AP3B1: variants seen among roughly 807,000 people sequenced by gnomAD.
AP3B1 encodes AP-3 complex subunit beta-1.
A neutral mutation model predicts 132.5 loss-of-function variants in AP3B1; 61 were observed. That is an observed-to-expected ratio of 0.46 (90% confidence interval 0.37 to 0.57). AP3B1 has a LOEUF of 0.57. Among genes scored for constraint, AP3B1 ranks in the 20% least tolerant of loss-of-function variants. AP3B1 has a pLI of 0.00. For synonymous variants in AP3B1, 388 were observed against 438.3 expected (o/e 0.89, Z 1.43); for missense variants, 1,120 against 1,289.4 (o/e 0.87, Z 2.01).
At chr5:78,022,703 A>G (rs568403233) in intron 24 of AP3B1, among the ~76,000 whole-genome samples, 1 of 152,318 alleles carries the variant, frequency 6.6e-6, no homozygotes, top group Admixed American at 6.5e-5. Context: ...GGTCCCATTT[A>G]TGTTTTAGAA....
chr5:78,005,623 C>A (rs1010394847), intron 26 of AP3B1, among the ~76,000 whole-genome samples: 3 of 152,184 alleles, frequency 2.0e-5, no homozygotes, highest in African/African-American at 7.2e-5. Context: ...AAGCTACTGC[C>A]TTTATTAACT....
chr5:78,023,260 A>G (rs371726433), intron 24 of AP3B1, among the ~76,000 whole-genome samples: 1 of 152,190 alleles, frequency 6.6e-6, no homozygotes, highest in Non-Finnish European at 1.5e-5. Flanking sequence ...TCAGCAGATA[A>G]TTGGAAATAC....
chr5:78,088,890 C>T (rs1750380926), intron 22 of AP3B1: 1 of 155,426 alleles, frequency 6.4e-6, no homozygotes. Flanking sequence ...CTTCACATCA[C>T]ATTCTATAAA....
intron 15 of AP3B1, among the ~76,000 whole-genome samples, chr5:78,136,824 T>A (rs1313620490): frequency 6.6e-6 from 1 of 152,214 alleles, no homozygotes; most frequent in Non-Finnish European, 1.5e-5. Context: ...TTTTATTGTG[T>A]GATTTTGTAT....
chr5:78,251,571 T>A (rs1182685393), intron 2 of AP3B1, among the ~76,000 whole-genome samples: 1 of 152,164 alleles, frequency 6.6e-6, no homozygotes, highest in East Asian at 1.9e-4. Flanking sequence ...CTGAACTCTG[T>A]GCTGTCCTGT....
At chr5:78,024,520 G>A (rs150788995) in intron 24 of AP3B1, among the ~76,000 whole-genome samples, 1,984 of 150,878 alleles carry the variant, frequency 0.013, 56 homozygotes, top group African/African-American at 0.046. Context: ...CTCCCAAATA[G>A]CTGGGACTAC....
chr5:78,095,405 G>C (rs184367033), intron 21 of AP3B1, among the ~76,000 whole-genome samples: 44 of 152,294 alleles, frequency 2.9e-4, no homozygotes, highest in African/African-American at 9.9e-4. Flanking sequence ...AAAGCCACTG[G>C]AGAGTAACAT....
chr5:78,195,250 A>T (rs1745035212), intron 7 of AP3B1, among the ~76,000 whole-genome samples: 1 of 152,206 alleles, frequency 6.6e-6, no homozygotes, highest in Admixed American at 6.5e-5. Flanking sequence ...CCATGAGCTG[A>T]TGAACAGTGC....
intron 7 of AP3B1, among the ~76,000 whole-genome samples, chr5:78,197,467 TAAAGA>T (rs1745121276): frequency 6.6e-6 from 1 of 152,164 alleles, no homozygotes; most frequent in African/African-American, 2.4e-5. Context: ...GCTCATGGAA[TAAAGA>T]AAAGTGTGAA....
At chr5:78,051,097 TAC>T (rs1385347160) in intron 22 of AP3B1, among the ~76,000 whole-genome samples, 1 of 152,196 alleles carries the variant, frequency 6.6e-6, no homozygotes, top group African/African-American at 2.4e-5. Context: ...TGCCTGTAGA[TAC>T]ACAGAGACAA....
At position 78,218,485 on chromosome 5, in the gene AP3B1, G is replaced by A. The variant is rs140464102; in HGVS notation, c.604-2248C>T. ...CTTCCCTTGGTTGCCACGTTTTTCT[G>A]TGCTGTTGCTATGAACTTCAGCCAT... On this transcript the variant is annotated intron_variant, in intron 6 of 26. Coordinates refer to ENST00000255194, the MANE Select transcript of AP3B1 (RefSeq NM_003664.5). 2.4e-3 allele frequency among the ~76,000 whole-genome samples: 368 copies of A among 152,042 alleles called. 1 individual carries two copies. The highest frequency in any genetic ancestry group is 8.4e-3 in the African/African-American group (350 of 41,498).
chr5:78,005,379 T>TA (rs1479008132), intron 26 of AP3B1, among the ~76,000 whole-genome samples: 3 of 152,224 alleles, frequency 2.0e-5, no homozygotes, highest in South Asian at 2.1e-4. Context: ...TTAAAAAACT[T>TA]AGAGTTAATG....
chr5:78,041,666 A>G (rs1297281986), intron 22 of AP3B1, among the ~76,000 whole-genome samples: 3 of 152,150 alleles, frequency 2.0e-5, no homozygotes, highest in Non-Finnish European at 4.4e-5. Flanking sequence ...GTTATATAAA[A>G]TAATAGGGCT....
intron 22 of AP3B1, among the ~76,000 whole-genome samples, chr5:78,072,803 C>A (rs1276225402): frequency 7.7e-6 from 1 of 129,086 alleles, no homozygotes; most frequent in Non-Finnish European, 1.6e-5. Context: ...CTCATTGCAA[C>A]CTCCACCTCC....
At chr5:78,135,018 A>T (rs1752852302) in intron 15 of AP3B1, among the ~76,000 whole-genome samples, 1 of 152,226 alleles carries the variant, frequency 6.6e-6, no homozygotes. Flanking sequence ...CAAAGAAAGG[A>T]TAGAGATGTC....
intron 1 of AP3B1, among the ~76,000 whole-genome samples, chr5:78,277,210 T>C (rs1057205174): frequency 6.6e-6 from 1 of 152,218 alleles, no homozygotes; most frequent in Non-Finnish European, 1.5e-5. Flanking sequence ...TTCAAATAGG[T>C]TGTCATGAAG....
Position 78,055,016 on chromosome 5 carries a change from G to GAC in AP3B1, c.2578-15744_2578-15743dup, listed in dbSNP as rs3050076. Among the ~76,000 whole-genome samples the GAC allele has an allele frequency of 9.1e-3, 1,320 of 144,722 alleles. 15 individuals are homozygous for GAC. The highest frequency in any genetic ancestry group is 0.03 in the Admixed American group (446 of 14,636). The allele number at this position is 144,722 out of a possible 152,430, so 94.9% of individuals were successfully genotyped here. ...CATAAGACAGACAGACAGACCTACA[G>GAC]ACACACACACACACACACACACACA... On this transcript the variant is annotated intron_variant, in intron 22 of 26. Coordinates refer to ENST00000255194, the MANE Select transcript of AP3B1 (RefSeq NM_003664.5).
chr5:78,191,508 C>A (rs564568913), intron 7 of AP3B1, among the ~76,000 whole-genome samples: 2 of 152,208 alleles, frequency 1.3e-5, no homozygotes, highest in Admixed American at 6.5e-5. Context: ...GCTAACTCTC[C>A]TAGTCTTTGG....
intron 11 of AP3B1, among the ~76,000 whole-genome samples, chr5:78,170,921 G>A (rs1446542415): frequency 6.6e-6 from 1 of 152,122 alleles, no homozygotes; most frequent in Non-Finnish European, 1.5e-5. Flanking sequence ...TAAAGTGTAA[G>A]GAAGGGATCC....
Sources: allele counts gnomAD v4.1 joint callset (sites outside exome capture counted in the v4.1 genomes callset), GRCh38; gene constraint gnomAD v4.1.1; transcripts MANE v1.5; gene names NCBI Gene and HGNC (gene_info 2026-07-23, HGNC 2026-07-21).